ARRB2: variants seen among roughly 807,000 people sequenced by gnomAD.
ARRB2 encodes arrestin beta 2, also known as beta-arrestin-2.
A neutral mutation model predicts 53.4 loss-of-function variants in ARRB2; 21 were observed. The ratio of observed to expected loss-of-function variants is 0.39; its 90% confidence interval spans 0.28 to 0.57. The LOEUF (loss-of-function observed/expected upper bound fraction) is 0.57. Among genes scored for constraint, ARRB2 ranks in the 20% least tolerant of loss-of-function variants. The probability of loss-of-function intolerance (pLI) is 0.55; values close to 1 mark genes in which losing one functional copy is unlikely to be tolerated. For synonymous variants in ARRB2, 180 were observed against 212.9 expected, an observed-to-expected ratio of 0.85 and a Z score of 1.34; for missense variants, 369 against 527.5, an observed-to-expected ratio of 0.70 and a Z score of 2.94.
Position 4,717,422 on chromosome 17 carries a change from T to C in ARRB2, c.417+146T>C, listed in dbSNP as rs559744129. 35 of 1,059,274 alleles carry C rather than the reference T, an allele frequency of 3.3e-5. No homozygotes were observed. Among genetic ancestry groups the C allele is most frequent in the Non-Finnish European group, 4.9e-5 (34 of 697,370 alleles). The allele number at this position is 1,059,274 out of a possible 1,614,324, so 65.6% of individuals were successfully genotyped here. A position where few individuals can be genotyped will look rare whatever the true frequency, so the allele number is the denominator to read the frequency against. The stretch of plus-strand genomic sequence containing the variant: ...GTGTCCCCCGTGGAAGTGGGGCGTA[T>C]GTGGTGGTCATTGTGCACGCATGAC... On this transcript the variant is annotated intron_variant, in intron 6 of 14. Transcript: ENST00000269260. The surrounding 1 kb of genome is among the most constrained non-coding windows in gnomAD (Gnocchi z 6.0).
chr17:4,720,548 A>G (rs1177496616), intron 13 of ARRB2, 38 bp from the exon 14 acceptor site: 2 of 1,567,102 alleles, frequency 1.3e-6, no homozygotes, highest in Non-Finnish European at 8.6e-7. Flanking sequence ...TGGCCCTTCC[A>G]GCACCCACCC....
At chr17:4,711,663 C>T (rs144657723) in intron 1 of ARRB2, among the ~76,000 whole-genome samples, 119 of 152,176 alleles carry the variant, frequency 7.8e-4, no homozygotes, top group Admixed American at 1.6e-3. Context: ...ATCAAGTAGA[C>T]GAGCATCAGA....
chr17:4,715,810 A>G, intron 2 of ARRB2, 163 bp from the exon 3 acceptor site: 1 of 751,864 alleles, frequency 1.3e-6, no homozygotes, highest in Non-Finnish European at 2.2e-6. Flanking sequence ...AGTCTGAGAA[A>G]CGCCACCACC....
chr17:4,713,413 A>G (rs934811263), intron 1 of ARRB2, among the ~76,000 whole-genome samples: 3 of 151,864 alleles, frequency 2.0e-5, no homozygotes, highest in African/African-American at 7.3e-5. Context: ...CAGGTGGATC[A>G]CGAGGTCGGG....
chr17:4,715,327 C>T (rs1194211678), intron 2 of ARRB2: 1 of 461,422 alleles, frequency 2.2e-6, no homozygotes, highest in Non-Finnish European at 3.9e-6. Context: ...CTCCTAGGAG[C>T]CAACCCAAGG....
At chr17:4,715,666 C>T in intron 2 of ARRB2, 1 of 439,464 alleles carries the variant, frequency 2.3e-6, no homozygotes, top group Non-Finnish European at 4.2e-6. Context: ...CATACATGTT[C>T]ACACACACAC....
At chr17:4,714,118 C>G (rs943098894) in intron 1 of ARRB2, among the ~76,000 whole-genome samples, 1 of 152,124 alleles carries the variant, frequency 6.6e-6, no homozygotes, top group African/African-American at 2.4e-5. Flanking sequence ...CTCTGAGGCT[C>G]ACAGTCTGAG....
At chr17:4,718,131 G>T (rs1915266116) in intron 8 of ARRB2, 108 bp downstream of exon 8, 7 of 1,568,202 alleles carry the variant, frequency 4.5e-6, no homozygotes, top group Non-Finnish European at 5.2e-6. Context: ...CCTTGGCTGG[G>T]TGTGGACAGT....
At chr17:4,712,430 GC>G (rs1415006900) in intron 1 of ARRB2, among the ~76,000 whole-genome samples, 1 of 152,220 alleles carries the variant, frequency 6.6e-6, no homozygotes, top group East Asian at 1.9e-4. Context: ...TCTCCTATAT[GC>G]TCCAGCTGTC....
At chr17:4,716,672 G>A in intron 5 of ARRB2, 64 bp downstream of exon 5, 1 of 1,529,906 alleles carries the variant, frequency 6.5e-7, no homozygotes, top group Non-Finnish European at 8.8e-7. Flanking sequence ...TGGGGTGGGG[G>A]TAAGGCACTG....
At chr17:4,720,863 C>G in intron 14 of ARRB2, 83 bp from the exon 15 acceptor site, 1 of 1,427,854 alleles carries the variant, frequency 7.0e-7, no homozygotes, top group Non-Finnish European at 9.8e-7. Flanking sequence ...TCCCAGAGGC[C>G]TAGCTTCGGG....
rs1388196999 is a variant in ARRB2 at position 4,716,208 on chromosome 17, C to A, written c.160+17C>A. On this transcript the variant is annotated intron_variant, in intron 4 of 14. Transcript: ENST00000269260. ...ACCGCAAAGGTACTGGCCCCAAGTC[C>A]AGGGGGCCCAGGGAAAGTGGGGGCT... 1 of 1,613,702 alleles carries A rather than the reference C, an allele frequency of 6.2e-7. No individual in the cohort carries two copies. Among genetic ancestry groups the A allele is most frequent in the African/African-American group, 1.3e-5 (1 of 74,914 alleles).
chr17:4,719,499 G>A (rs930873893), intron 11 of ARRB2, 79 bp downstream of exon 11: 2 of 1,552,300 alleles, frequency 1.3e-6, no homozygotes, highest in African/African-American at 2.7e-5. Context: ...GTGTGCCAGG[G>A]ATGTATCAGT....
chr17:4,718,865 T>C (rs1460496791), intron 10 of ARRB2, among the ~76,000 whole-genome samples, 181 bp downstream of exon 10: 1 of 146,812 alleles, frequency 6.8e-6, no homozygotes, highest in Non-Finnish European at 1.5e-5. Context: ...CACTGCAACC[T>C]CCACCTCCCG....
chr17:4,719,226 C>T (rs1915426622), intron 10 of ARRB2, 57 bp from the exon 11 acceptor site: 10 of 1,573,566 alleles, frequency 6.4e-6, no homozygotes, highest in Middle Eastern at 1.7e-4. Context: ...GGTCATAGGC[C>T]GCCCCTTGCC....
intron 14 of ARRB2, 75 bp downstream of exon 14, chr17:4,720,715 C>T (rs1915618724): frequency 7.5e-7 from 1 of 1,334,820 alleles, no homozygotes; most frequent in South Asian, 1.4e-5. Flanking sequence ...CCTCATACCT[C>T]TTCCTTGCTT....
chr17:4,719,216 G>A, intron 10 of ARRB2, 67 bp from the exon 11 acceptor site: 1 of 1,556,098 alleles, frequency 6.4e-7, no homozygotes, highest in Non-Finnish European at 8.7e-7. Flanking sequence ...GCTGCTTGGG[G>A]GTCATAGGCC....
chr17:4,718,082 C>A, intron 8 of ARRB2, 59 bp downstream of exon 8: 1 of 1,604,104 alleles, frequency 6.2e-7, no homozygotes, highest in Non-Finnish European at 8.5e-7. Context: ...GGGGGAGGGG[C>A]GAAGCCACAC....
intron 1 of ARRB2, among the ~76,000 whole-genome samples, chr17:4,713,613 AGAGT>A (rs1914650660): frequency 6.6e-6 from 1 of 151,934 alleles, no homozygotes; most frequent in South Asian, 2.1e-4. Flanking sequence ...CCTGGGCGAC[AGAGT>A]GAGACTCCGT....
Sources: allele counts gnomAD v4.1 joint callset (sites outside exome capture counted in the v4.1 genomes callset), GRCh38; gene constraint gnomAD v4.1.1; non-coding constraint Gnocchi (gnomAD v3.1); transcripts MANE v1.5; gene names NCBI Gene and HGNC (gene_info 2026-07-23, HGNC 2026-07-21).